LRP5: variants seen among roughly 807,000 people sequenced by gnomAD.
LRP5 encodes LDL receptor related protein 5.
LRP5 carries 62 observed loss-of-function variants against 154.1 expected under a neutral mutation model. The observed-to-expected ratio is 0.40, with a 90% CI of 0.33 to 0.50. The LOEUF (loss-of-function observed/expected upper bound fraction) is 0.50. LRP5 is among the 20% of genes least tolerant of loss of function. LRP5 has a pLI of 0.55. For missense variants in LRP5, 1,915 were observed against 2,336.7 expected, an observed-to-expected ratio of 0.82 and a Z score of 3.72; for synonymous variants, 966 against 1,011.5, an observed-to-expected ratio of 0.96 and a Z score of 0.85.
intron 1 of LRP5, among the ~76,000 whole-genome samples, chr11:68,316,418 C>A (rs550018449): frequency 5.3e-4 from 81 of 152,126 alleles, no homozygotes; most frequent in African/African-American, 1.7e-3. Flanking sequence ...ATTACAGGTG[C>A]CCGCCACCAC....
At chr11:68,339,366 G>A (rs747296341) in intron 1 of LRP5, among the ~76,000 whole-genome samples, 8 of 151,718 alleles carry the variant, frequency 5.3e-5, no homozygotes, top group East Asian at 1.9e-4. Context: ...TTTTTTTTCC[G>A]AAACGGAATT....
rs200079431 is a variant in LRP5 at position 68,413,780 on chromosome 11, G to T, written c.2595G>T (p.Leu865=). ...SDYIYWTDWN[L]HSIERADKTS... ...ATATCTACTGGACAGACTGGAATCT[G>T]CACAGCATTGAGCGGGCCGACAAGA... The change falls in exon 12 of 23, where the codon CTG becomes CTT. Residue 865 remains leucine, a synonymous_variant. Transcript: ENST00000294304. This position sits in a 1 kb window ranked among gnomAD's most constrained non-coding sequence, Gnocchi z 5.1. The T allele has an allele frequency of 2.7e-4, 439 of 1,613,270 alleles. No homozygotes were observed. Among genetic ancestry groups the T allele is most frequent in the Non-Finnish European group, 3.6e-4 (424 of 1,179,632 alleles).
intron 2 of LRP5, among the ~76,000 whole-genome samples, chr11:68,354,656 C>T (rs930943882): frequency 2.6e-5 from 4 of 152,210 alleles, no homozygotes; most frequent in Admixed American, 6.5e-5. Context: ...CACCCACACC[C>T]GGGCTTTGCT....
intron 7 of LRP5, among the ~76,000 whole-genome samples, chr11:68,397,253 C>T (rs2098649944): frequency 6.6e-6 from 1 of 152,168 alleles, no homozygotes; most frequent in Non-Finnish European, 1.5e-5. Context: ...CTCTACCCTG[C>T]CCTTCTCTCC....
intron 15 of LRP5, 41 bp downstream of exon 15, chr11:68,425,333 C>G: frequency 6.4e-7 from 1 of 1,572,900 alleles, no homozygotes; most frequent in Non-Finnish European, 8.6e-7. Flanking sequence ...GACACCCGGC[C>G]TTCATTGTCA....
intron 1 of LRP5, among the ~76,000 whole-genome samples, chr11:68,317,722 G>C (rs982628226): frequency 2.6e-5 from 4 of 152,246 alleles, no homozygotes; most frequent in Non-Finnish European, 5.9e-5. Context: ...GTTTGTCCTA[G>C]TTTGTCACCT....
In LRP5 at chr11:68,413,371, G is replaced by T. The variant is rs2098660677; in HGVS notation, c.2504-318G>T. Reference sequence around the variant, plus strand: ...CTTGATTAATAACATGGAAGGCCTGGTCTCATTGCTGTGGGAGTGAAGGAT... The same window carrying T: ...CTTGATTAATAACATGGAAGGCCTGTTCTCATTGCTGTGGGAGTGAAGGAT... On this transcript the variant is annotated intron_variant, in intron 11 of 22. Transcript: ENST00000294304. The surrounding 1 kb of genome is among the most constrained non-coding windows in gnomAD (Gnocchi z 5.1). Among the ~76,000 whole-genome samples the T allele has an allele frequency of 6.6e-6, 1 of 152,178 alleles. No individual in the cohort carries two copies. The highest frequency in any genetic ancestry group is 2.4e-5 in the African/African-American group (1 of 41,432).
chr11:68,384,694 A>G (rs1341176063), intron 5 of LRP5, among the ~76,000 whole-genome samples: 1 of 152,062 alleles, frequency 6.6e-6, no homozygotes, highest in Non-Finnish European at 1.5e-5. Context: ...AAATGCTGAT[A>G]CCGTTGTGTG....
At chr11:68,444,871 C>T (rs1208843010) in intron 21 of LRP5, among the ~76,000 whole-genome samples, 1 of 151,962 alleles carries the variant, frequency 6.6e-6, no homozygotes, top group African/African-American at 2.4e-5. Context: ...CCCCAGTGCC[C>T]CCAGTCTCAT....
intron 7 of LRP5, among the ~76,000 whole-genome samples, chr11:68,398,572 C>T (rs780139695): frequency 1.3e-5 from 2 of 151,952 alleles, no homozygotes; most frequent in Non-Finnish European, 2.9e-5. Context: ...CTACGGCCCC[C>T]GGGCCAGATC....
At chr11:68,347,747 A>C in intron 1 of LRP5, 100 bp from the exon 2 acceptor site, 1 of 1,405,074 alleles carries the variant, frequency 7.1e-7, no homozygotes. Flanking sequence ...GGGCATGGGC[A>C]GGGCAGTACC....
intron 21 of LRP5, among the ~76,000 whole-genome samples, chr11:68,442,883 C>A (rs534070878): frequency 6.6e-6 from 1 of 152,166 alleles, no homozygotes; most frequent in Non-Finnish European, 1.5e-5. Context: ...TCCCCCGCAC[C>A]CTGAAGTTTG....
intron 1 of LRP5, among the ~76,000 whole-genome samples, chr11:68,317,771 G>T (rs1455018559): frequency 6.6e-6 from 1 of 152,134 alleles, no homozygotes; most frequent in Non-Finnish European, 1.5e-5. Flanking sequence ...CTGACTCGTG[G>T]TGTGCCAGAG....
At chr11:68,390,900 C>G (rs747188264) in intron 7 of LRP5, among the ~76,000 whole-genome samples, 1 of 152,226 alleles carries the variant, frequency 6.6e-6, no homozygotes, top group African/African-American at 2.4e-5. Context: ...CATGGGCGTG[C>G]TTTGGCAGCT....
chr11:68,315,620 C>G (rs964362596), intron 1 of LRP5, among the ~76,000 whole-genome samples: 1 of 152,234 alleles, frequency 6.6e-6, no homozygotes, highest in Non-Finnish European at 1.5e-5. Context: ...TGCTGTTTTG[C>G]TTTGGTGTCT....
At chr11:68,394,509 A>G (rs11228225) in intron 7 of LRP5, among the ~76,000 whole-genome samples, 39,584 of 148,754 alleles carry the variant, frequency 0.27, 5,942 homozygotes, top group Admixed American at 0.4. Flanking sequence ...TCTCTTGCCC[A>G]GTCTGGAGTG....
chr11:68,425,101 G>A lies in LRP5; in HGVS notation c.3237-1G>A. On this transcript the variant is annotated splice_acceptor_variant, in intron 14 of 22. Transcript: ENST00000294304. LOFTEE classifies it high-confidence loss of function. Reference sequence around the variant, plus strand: ...GTCCTTCACCCGCCACCCTCCCGCAGGTACCTGTACTTCACCAACATGCAG... The same window carrying A: ...GTCCTTCACCCGCCACCCTCCCGCAAGTACCTGTACTTCACCAACATGCAG... 1.2e-6 allele frequency: 2 copies of A among 1,613,542 alleles called. No homozygotes were observed. The highest frequency in any genetic ancestry group is 1.7e-6 in the Non-Finnish European group (2 of 1,179,916).
intron 5 of LRP5, 92 bp downstream of exon 5, chr11:68,365,794 G>A (rs1034306075): frequency 1.9e-5 from 24 of 1,293,208 alleles, no homozygotes; most frequent in East Asian, 1.3e-4. Flanking sequence ...AAGGAACCTC[G>A]GCAAACCCGT....
the LRP5 span, among the ~76,000 whole-genome samples, chr11:68,305,494 G>A: frequency 6.6e-6 from 1 of 152,160 alleles, no homozygotes; most frequent in Non-Finnish European, 1.5e-5. Flanking sequence ...CCAGGCTGGA[G>A]TGCAGTGGCA....
Sources: allele counts gnomAD v4.1 joint callset (sites outside exome capture counted in the v4.1 genomes callset), GRCh38; gene constraint gnomAD v4.1.1; non-coding constraint Gnocchi (gnomAD v3.1); transcripts MANE v1.5; gene names NCBI Gene and HGNC (gene_info 2026-07-23, HGNC 2026-07-21).